The following CALCOCO2 variants were observed in gnomAD, a reference collection of about 807,000 sequenced individuals.
CALCOCO2 encodes calcium-binding and coiled-coil domain-containing protein 2.
CALCOCO2 carries 42 observed loss-of-function variants against 62.5 expected under a neutral mutation model. The ratio of observed to expected loss-of-function variants is 0.67; its 90% confidence interval spans 0.53 to 0.87. The LOEUF (loss-of-function observed/expected upper bound fraction) is 0.87. CALCOCO2 is among the 40% of genes least tolerant of loss of function. The pLI is 0.00. For synonymous variants in CALCOCO2, 167 were observed against 173.0 expected (o/e 0.97, Z 0.27); for missense variants, 456 against 515.0 (o/e 0.89, Z 1.11).
At chr17:48,862,143 TGA>T in intron 11 of CALCOCO2, 131 bp from the exon 12 acceptor site, 3 of 745,450 alleles carry the variant, frequency 4.0e-6, no homozygotes, top group South Asian at 1.4e-5. Flanking sequence ...GGTATATATA[TGA>T]GAGAGAAAGA....
intron 9 of CALCOCO2, among the ~76,000 whole-genome samples, chr17:48,855,009 A>G (rs2040193429): frequency 1.3e-5 from 2 of 152,154 alleles, no homozygotes; most frequent in South Asian, 4.1e-4. Flanking sequence ...TAGGTGACAG[A>G]GATAAGGGGG....
chr17:48,852,008 C>T (rs1235542137), intron 7 of CALCOCO2, among the ~76,000 whole-genome samples: 3 of 151,816 alleles, frequency 2.0e-5, no homozygotes, highest in Admixed American at 6.6e-5. Flanking sequence ...AATTTACAGG[C>T]GCACGTGTAA....
intron 9 of CALCOCO2, among the ~76,000 whole-genome samples, chr17:48,854,396 A>ATTTTTT (rs1226127478): frequency 1.6e-3 from 3 of 1,916 alleles, no homozygotes; most frequent in African/African-American, 2.5e-3. Context: ...ATATATATAT[A>ATTTTTT]TTTTTTTTTT....
At chr17:48,843,359 C>A (rs902681536) in intron 2 of CALCOCO2, among the ~76,000 whole-genome samples, 1 of 152,184 alleles carries the variant, frequency 6.6e-6, no homozygotes, top group Non-Finnish European at 1.5e-5. Context: ...TTAATTTACA[C>A]TGCCAACTCC....
At chr17:48,849,478 C>T in intron 5 of CALCOCO2, 101 bp downstream of exon 5, 1 of 947,676 alleles carries the variant, frequency 1.1e-6, no homozygotes. Context: ...ATCTCACCTT[C>T]TTATACCAGT....
At chr17:48,843,893 AT>A (rs1427329381) in intron 2 of CALCOCO2, 1 of 152,102 alleles carries the variant, frequency 6.6e-6, no homozygotes, top group Non-Finnish European at 1.5e-5. Flanking sequence ...AATTTAATTT[AT>A]TTATTTAGAG....
chr17:48,855,184 C>T, intron 9 of CALCOCO2, among the ~76,000 whole-genome samples: 1 of 152,132 alleles, frequency 6.6e-6, no homozygotes, highest in East Asian at 1.9e-4. Flanking sequence ...CCAACTTAGC[C>T]ACAGGTCTCA....
chr17:48,846,114 CT>C (rs1567752987), intron 2 of CALCOCO2: 1 of 1,164,530 alleles, frequency 8.6e-7, no homozygotes, highest in East Asian at 2.7e-5. Flanking sequence ...CTCAGTAACT[CT>C]TTTTATTTTT....
intron 2 of CALCOCO2, among the ~76,000 whole-genome samples, chr17:48,845,139 A>G (rs1023413877): frequency 1.3e-5 from 2 of 151,880 alleles, no homozygotes; most frequent in Non-Finnish European, 2.9e-5. Context: ...CCATCTCAAA[A>G]AAAAAATTTT....
At chr17:48,844,322 C>A (rs980118776) in intron 2 of CALCOCO2, among the ~76,000 whole-genome samples, 3 of 151,940 alleles carry the variant, frequency 2.0e-5, no homozygotes, top group Non-Finnish European at 2.9e-5. Context: ...GACTTTAAAA[C>A]GTAGTTTATA....
intron 1 of CALCOCO2, chr17:48,839,519 T>G (rs1233175204): frequency 6.6e-6 from 1 of 151,084 alleles, no homozygotes; most frequent in Non-Finnish European, 1.5e-5. Flanking sequence ...CGGGTAATTT[T>G]CGTATTTTTA....
chr17:48,846,199 C>A, intron 2 of CALCOCO2: 1 of 601,702 alleles, frequency 1.7e-6, no homozygotes, highest in South Asian at 2.6e-5. Context: ...TGCAGAGGTG[C>A]AATCTGGGCT....
chr17:48,862,072 T>A (rs969695293), intron 11 of CALCOCO2, among the ~76,000 whole-genome samples: 6 of 151,544 alleles, frequency 4.0e-5, no homozygotes, highest in Non-Finnish European at 7.4e-5. Context: ...AAATACGATT[T>A]CATTATTTAT....
At chr17:48,848,968 G>T (rs1289499769) in intron 4 of CALCOCO2, 2 of 434,754 alleles carry the variant, frequency 4.6e-6, no homozygotes, top group African/African-American at 4.1e-5. Flanking sequence ...TCCATTGGGA[G>T]AGACAAACAA....
At chr17:48,857,164 G>A (rs183704487) in intron 10 of CALCOCO2, among the ~76,000 whole-genome samples, 45 of 149,100 alleles carry the variant, frequency 3.0e-4, no homozygotes, top group Non-Finnish European at 4.6e-4. Flanking sequence ...TGCTACTCCT[G>A]TATCTATACT....
At chr17:48,843,477 G>A (rs768262112) in intron 2 of CALCOCO2, among the ~76,000 whole-genome samples, 2 of 152,186 alleles carry the variant, frequency 1.3e-5, no homozygotes, top group Non-Finnish European at 2.9e-5. Context: ...TGAAGGAGCT[G>A]TTGCTTATTT....
At chr17:48,854,058 G>T (rs2040169838) in intron 9 of CALCOCO2, among the ~76,000 whole-genome samples, 1 of 152,024 alleles carries the variant, frequency 6.6e-6, no homozygotes, top group Non-Finnish European at 1.5e-5. Context: ...GCTCGCGCCT[G>T]TAATCCCAGC....
intron 11 of CALCOCO2, among the ~76,000 whole-genome samples, chr17:48,861,682 CTGTGTGTGTG>C (rs10540361): frequency 2.3e-5 from 3 of 131,992 alleles, no homozygotes; most frequent in Non-Finnish European, 4.7e-5. Flanking sequence ...TATATAAAGC[CTGTGTGTGTG>C]TGTGTGTGTG....
chr17:48,839,030 C>T (rs1160975240), intron 1 of CALCOCO2, among the ~76,000 whole-genome samples: 1 of 151,422 alleles, frequency 6.6e-6, no homozygotes, highest in African/African-American at 2.4e-5. Context: ...GACGGAGTCT[C>T]ACTCTGTGTC....
Sources: allele counts gnomAD v4.1 joint callset (sites outside exome capture counted in the v4.1 genomes callset), GRCh38; gene constraint gnomAD v4.1.1; transcripts MANE v1.5; gene names NCBI Gene and HGNC (gene_info 2026-07-23, HGNC 2026-07-21).